VIPR2: variants seen among roughly 807,000 people sequenced by gnomAD.
The protein encoded by VIPR2 is vasoactive intestinal polypeptide receptor 2.
In VIPR2, 48 loss-of-function variants were observed where a neutral mutation model predicts 58.0. The ratio of observed to expected loss-of-function variants is 0.83; its 90% CI spans 0.66 to 1.05. The LOEUF (loss-of-function observed/expected upper bound fraction) is 1.05. Among genes scored for constraint, VIPR2 ranks in the 50% least tolerant of loss-of-function variants. The pLI is 0.00. For synonymous variants in VIPR2, 243 were observed against 235.2 expected (o/e 1.03, Z -0.30); for missense variants, 534 against 558.0 (o/e 0.96, Z 0.43).
At chr7:159,046,578 A>G (rs1854665613) in intron 5 of VIPR2, among the ~76,000 whole-genome samples, 1 of 152,148 alleles carries the variant, frequency 6.6e-6, no homozygotes, top group South Asian at 2.1e-4. Flanking sequence ...TTTTGGGACA[A>G]TAGGAAGTTC....
At chr7:159,039,712 C>T (rs113500231) in intron 6 of VIPR2, among the ~76,000 whole-genome samples, 9 of 152,248 alleles carry the variant, frequency 5.9e-5, no homozygotes, top group South Asian at 2.1e-4. Context: ...GGTGGTGCCT[C>T]GGTCTCAGGC....
At chr7:159,075,414 G>A (rs1856585313) in intron 4 of VIPR2, among the ~76,000 whole-genome samples, 1 of 152,220 alleles carries the variant, frequency 6.6e-6, no homozygotes, top group African/African-American at 2.4e-5. Context: ...CATGAGACAA[G>A]CTTCTTACCA....
At chr7:159,078,943 C>T (rs983024908) in intron 4 of VIPR2, among the ~76,000 whole-genome samples, 1 of 152,066 alleles carries the variant, frequency 6.6e-6, no homozygotes, top group Non-Finnish European at 1.5e-5. Context: ...GTGTTGTATC[C>T]GCTCCAGTGC....
At chr7:159,078,110 C>T (rs550821732) in intron 4 of VIPR2, among the ~76,000 whole-genome samples, 3 of 152,314 alleles carry the variant, frequency 2.0e-5, no homozygotes, top group South Asian at 4.1e-4. Context: ...CTCATTGGAA[C>T]ACCTGGTGAT....
Position 159,142,342 on chromosome 7 carries a change from T to TTC in VIPR2, c.151+103_151+104insGA, listed in dbSNP as rs1175595681. 30 of 806,742 alleles carry TTC rather than the reference T, an allele frequency of 3.7e-5. No homozygotes were observed. The East Asian group carries it at 7.7e-4, about 21-fold the overall frequency. 50.0% of individuals were successfully genotyped at this position (806,742 alleles called of 1,614,324 possible). ...GGGAAGTGGCCTTTCTTTTTCTTTT[T>TTC]TTTTTTTTAAGATGCAGGTGGTGAC... On this transcript the variant is annotated intron_variant, in intron 2 of 12. Transcript: ENST00000262178.
At chr7:159,090,722 CAGT>C (rs1857446994) in intron 4 of VIPR2, among the ~76,000 whole-genome samples, 2 of 121,436 alleles carry the variant, frequency 1.6e-5, no homozygotes, top group Non-Finnish European at 1.7e-5. Flanking sequence ...TCACAATCCC[CAGT>C]GACCTCAGCA....
At chr7:159,059,492 GAA>G (rs1051466448) in intron 4 of VIPR2, 2 of 369,830 alleles carry the variant, frequency 5.4e-6, no homozygotes, top group African/African-American at 4.3e-5. Context: ...GCAAAACTCA[GAA>G]AGTTATGCTC....
chr7:159,142,641 C>G (rs439204), intron 1 of VIPR2, 96 bp from the exon 2 acceptor site: 1 of 816,108 alleles, frequency 1.2e-6, no homozygotes, highest in Non-Finnish European at 1.9e-6. Flanking sequence ...AACCTCACAG[C>G]TTTAAACTGC....
chr7:159,065,701 G>T (rs1219558947), intron 4 of VIPR2, among the ~76,000 whole-genome samples: 1 of 152,186 alleles, frequency 6.6e-6, no homozygotes, highest in Non-Finnish European at 1.5e-5. Context: ...GATCGCACAG[G>T]AAACGAGAAG....
At chr7:159,050,527 C>A (rs1854935932) in intron 5 of VIPR2, among the ~76,000 whole-genome samples, 1 of 151,408 alleles carries the variant, frequency 6.6e-6, no homozygotes, top group African/African-American at 2.4e-5. Context: ...ACTTAAAAAA[C>A]CTTGAAATTA....
intron 5 of VIPR2, among the ~76,000 whole-genome samples, chr7:159,052,293 C>T (rs1039881925): frequency 2.0e-5 from 3 of 152,158 alleles, no homozygotes; most frequent in African/African-American, 4.8e-5. Flanking sequence ...TGTAACAGAA[C>T]ATTGAAAATA....
chr7:159,120,340 C>T (rs374046735), intron 2 of VIPR2, among the ~76,000 whole-genome samples: 1 of 151,928 alleles, frequency 6.6e-6, no homozygotes, highest in East Asian at 1.9e-4. Flanking sequence ...CAAAGCAGGG[C>T]CGGATGGTCC....
chr7:159,072,516 T>C (rs7789969), intron 4 of VIPR2, among the ~76,000 whole-genome samples: 53,235 of 152,054 alleles, frequency 0.35, 10,991 homozygotes, highest in African/African-American at 0.59. Flanking sequence ...TAAAAAAGCC[T>C]GAAAAATGAT....
chr7:159,095,557 T>C lies in VIPR2; in HGVS notation c.357+8200A>G, dbSNP rs1857778330. Among the ~76,000 whole-genome samples the C allele has an allele frequency of 6.6e-6, 1 of 152,214 alleles. No homozygotes were observed. Among genetic ancestry groups the C allele is most frequent in the Non-Finnish European group, 1.5e-5 (1 of 68,050 alleles). ...GTTTTTTTAGTACTTAAAATTTGAT[T>C]TTTGTAAATATAAAACCAATATATT... is the stretch of plus-strand genomic sequence containing the variant. On this transcript the variant is annotated intron_variant, in intron 4 of 12. Coordinates refer to ENST00000262178, the MANE Select transcript of VIPR2 (RefSeq NM_003382.5). This position sits in a 1 kb window ranked among gnomAD's most constrained non-coding sequence, Gnocchi z 5.2.
rs1409464354 is a variant in VIPR2, at chr7:159,096,872, A to C, written c.357+6885T>G. ...CCGCCGTACTGTGTCCATGGCTGAG[A>C]CCACCCTCTCTGTGGCCGCCTTGCT... On this transcript the variant is annotated intron_variant, in intron 4 of 12. Coordinates refer to ENST00000262178, the MANE Select transcript of VIPR2 (RefSeq NM_003382.5). The surrounding 1 kb of genome is among the most constrained non-coding windows in gnomAD (Gnocchi z 5.5). 11 of 1,547,004 alleles carry C rather than the reference A, an allele frequency of 7.1e-6. No individual in the cohort carries two copies. The East Asian group carries it at 2.7e-4, about 38-fold the overall frequency.
At chr7:159,033,202 G>A (rs560494794) in intron 10 of VIPR2, among the ~76,000 whole-genome samples, 1 of 152,344 alleles carries the variant, frequency 6.6e-6, no homozygotes, top group African/African-American at 2.4e-5. Flanking sequence ...ACTTCCCTCA[G>A]GGCACTGGCC....
chr7:159,032,927 CCT>C (rs1853681514), intron 10 of VIPR2, among the ~76,000 whole-genome samples: 1 of 151,994 alleles, frequency 6.6e-6, no homozygotes, highest in South Asian at 2.1e-4. Context: ...ACCGGACTCC[CCT>C]GAGCAGGGAC....
At chr7:159,080,956 T>G (rs1349876844) in intron 4 of VIPR2, among the ~76,000 whole-genome samples, 10 of 151,918 alleles carry the variant, frequency 6.6e-5, no homozygotes, top group South Asian at 2.1e-4. Context: ...CACTGCTCAA[T>G]GAAATAAAAG....
intron 4 of VIPR2, among the ~76,000 whole-genome samples, chr7:159,078,204 T>G (rs1856738913): frequency 6.6e-6 from 1 of 152,178 alleles, no homozygotes; most frequent in Admixed American, 6.5e-5. Flanking sequence ...TAAAGATAAT[T>G]CCAGCTCAAA....
Sources: allele counts gnomAD v4.1 joint callset (sites outside exome capture counted in the v4.1 genomes callset), GRCh38; gene constraint gnomAD v4.1.1; non-coding constraint Gnocchi (gnomAD v3.1); transcripts MANE v1.5; gene names NCBI Gene and HGNC (gene_info 2026-07-23, HGNC 2026-07-21).